ALK: variants seen among roughly 807,000 people sequenced by gnomAD.
ALK encodes the protein ALK tyrosine kinase receptor.
ALK carries 74 observed loss-of-function variants against 163.1 expected under a neutral mutation model. The ratio of observed to expected loss-of-function variants is 0.45; its 90% CI spans 0.38 to 0.55. The LOEUF is 0.55. Among genes scored for constraint, ALK ranks in the 20% least tolerant of loss-of-function variants. The pLI is 0.00. For synonymous variants in ALK, 960 were observed against 843.2 expected, an observed-to-expected ratio of 1.14 and a Z score of -2.40; for missense variants, 2,063 against 2,105.3, an observed-to-expected ratio of 0.98 and a Z score of 0.39.
At chr2:29,346,097 T>G (rs995592749) in intron 5 of ALK, among the ~76,000 whole-genome samples, 1 of 152,212 alleles carries the variant, frequency 6.6e-6, no homozygotes, top group Admixed American at 6.5e-5. Context: ...GAAGCATGAG[T>G]GAGTCAGTCC....
At chr2:29,638,529 G>A (rs1676611149) in intron 3 of ALK, among the ~76,000 whole-genome samples, 1 of 151,336 alleles carries the variant, frequency 6.6e-6, no homozygotes, top group Admixed American at 6.6e-5. Context: ...TGGGGGTGGG[G>A]GGAGATGGAT....
chr2:29,352,529 C>T (rs1668144677), intron 5 of ALK, among the ~76,000 whole-genome samples: 1 of 152,196 alleles, frequency 6.6e-6, no homozygotes, highest in South Asian at 2.1e-4. Context: ...ATACAGAGGA[C>T]AGAATCTCAG....
chr2:29,782,008 A>C (rs747696458), intron 1 of ALK, among the ~76,000 whole-genome samples: 3 of 152,214 alleles, frequency 2.0e-5, no homozygotes, highest in Non-Finnish European at 4.4e-5. Flanking sequence ...AGCAGGATTG[A>C]CAGTTGGAGA....
At chr2:29,512,657 G>A (rs1315646882) in intron 4 of ALK, among the ~76,000 whole-genome samples, 19 of 150,160 alleles carry the variant, frequency 1.3e-4, no homozygotes, top group Non-Finnish European at 2.7e-4. Flanking sequence ...GGGCAATTAG[G>A]CAGGTGAAGG....
intron 5 of ALK, among the ~76,000 whole-genome samples, chr2:29,370,830 C>T (rs1668621183): frequency 6.6e-6 from 1 of 152,152 alleles, no homozygotes; most frequent in Admixed American, 6.5e-5. Flanking sequence ...CCCATCATCC[C>T]CTAGACGTGA....
intron 12 of ALK, among the ~76,000 whole-genome samples, chr2:29,248,421 C>G (rs1288377943): frequency 2.0e-5 from 3 of 152,202 alleles, no homozygotes; most frequent in Non-Finnish European, 4.4e-5. Context: ...TGAGGTGGCA[C>G]CACTGCACCC....
At position 29,297,021 on chromosome 2, in the gene ALK, C is replaced by T. The variant is rs1486865549; in HGVS notation, c.1684G>A (p.Gly562Arg). The T allele has an allele frequency of 6.2e-7, 1 of 1,614,204 alleles. No homozygotes were observed. ...TCCACTAGCACCAAGGACACGTTTC[C>T]CCTCAAGACTCCACGAATGAGCCAG... Reference protein sequence around the residue: ...MSWLIRGVLRGNVSLVLVENK... With the variant: ...MSWLIRGVLRRNVSLVLVENK... Residue 562 changes from glycine to arginine, a missense_variant, in exon 9 of 29, where the codon GGA becomes AGA. Gly to Arg is a moderately radical substitution (Grantham distance 125). This residue lies in a region of ALK where 987 missense variants were observed against 939.5 expected (regional missense o/e 1.05). Transcript: ENST00000389048.
intron 5 of ALK, among the ~76,000 whole-genome samples, chr2:29,354,779 T>C (rs190115652): frequency 1.3e-5 from 2 of 150,706 alleles, no homozygotes; most frequent in East Asian, 1.9e-4. Flanking sequence ...TTTTTTTTTT[T>C]TTTTTGAGAT....
At chr2:29,732,900 GT>G (rs70962236) in intron 1 of ALK, among the ~76,000 whole-genome samples, 2,700 of 146,446 alleles carry the variant, frequency 0.018, 72 homozygotes, top group African/African-American at 0.061. Context: ...TAGTCTATAG[GT>G]TTTTTTTTTT....
At chr2:29,639,511 C>A (rs547600603) in intron 3 of ALK, among the ~76,000 whole-genome samples, 1 of 152,286 alleles carries the variant, frequency 6.6e-6, no homozygotes, top group East Asian at 1.9e-4. Context: ...CAAGACTTTG[C>A]ACTCTAAAAT....
chr2:29,835,326 C>T (rs762560585), intron 1 of ALK, among the ~76,000 whole-genome samples: 4 of 152,118 alleles, frequency 2.6e-5, no homozygotes, highest in Non-Finnish European at 4.4e-5. Context: ...AAAGGTATTT[C>T]CATCTGAGAG....
intron 24 of ALK, among the ~76,000 whole-genome samples, chr2:29,212,869 C>T (rs532001919): frequency 1.4e-4 from 22 of 152,180 alleles, no homozygotes; most frequent in African/African-American, 5.3e-4. Context: ...CCATGCCTGG[C>T]TAATTTTGTA....
At chr2:29,305,501 G>A (rs1666486304) in intron 8 of ALK, among the ~76,000 whole-genome samples, 1 of 152,148 alleles carries the variant, frequency 6.6e-6, no homozygotes, top group South Asian at 2.1e-4. Flanking sequence ...CACTGTATGT[G>A]GTTCCTAGAG....
At chr2:29,741,699 T>C (rs1253819593) in intron 1 of ALK, among the ~76,000 whole-genome samples, 2 of 152,112 alleles carry the variant, frequency 1.3e-5, no homozygotes, top group East Asian at 1.9e-4. Context: ...TTCTTAGAAG[T>C]AGAGAATCAT....
chr2:29,660,926 T>A (rs1486092818), intron 3 of ALK, among the ~76,000 whole-genome samples: 1 of 152,148 alleles, frequency 6.6e-6, no homozygotes, highest in East Asian at 1.9e-4. Flanking sequence ...CACAATGCCC[T>A]CATGGAAACC....
intron 11 of ALK, among the ~76,000 whole-genome samples, chr2:29,274,150 G>A (rs1665467538): frequency 6.6e-6 from 1 of 152,166 alleles, no homozygotes; most frequent in Non-Finnish European, 1.5e-5. Flanking sequence ...AGAAAGGAAA[G>A]GACTCCTTCA....
chr2:29,689,604 T>C (rs942646153), intron 3 of ALK, among the ~76,000 whole-genome samples: 3 of 152,172 alleles, frequency 2.0e-5, no homozygotes, highest in Non-Finnish European at 4.4e-5. Context: ...GGGATCCACA[T>C]GCCAACCCAG....
chr2:29,476,673 T>G (rs1176325315), intron 4 of ALK, among the ~76,000 whole-genome samples: 1 of 151,354 alleles, frequency 6.6e-6, no homozygotes, highest in African/African-American at 2.4e-5. Context: ...CACAGGAGGA[T>G]GCAGGGAAGT....
In ALK at chr2:29,447,477, C is replaced by T. The variant is rs576212616; in HGVS notation, c.1155-63618G>A. On this transcript the variant is annotated intron_variant, in intron 4 of 28. Coordinates refer to ENST00000389048, the MANE Select transcript of ALK (RefSeq NM_004304.5). The stretch of plus-strand genomic sequence containing the variant: ...GCTTTAGGAGGGAAAAAAAAAATCT[C>T]GTGTTTATTATAACTCAGTCCAAGA... Among the ~76,000 whole-genome samples the T allele has an allele frequency of 2.0e-3, 304 of 152,232 alleles. 2 individuals are homozygous for T. Among genetic ancestry groups the T allele is most frequent in the Non-Finnish European group, 3.8e-3 (257 of 68,022 alleles).
Sources: allele counts gnomAD v4.1 joint callset (sites outside exome capture counted in the v4.1 genomes callset), GRCh38; gene constraint gnomAD v4.1.1; regional missense constraint gnomAD v4.1.1; transcripts MANE v1.5; gene names NCBI Gene and HGNC (gene_info 2026-07-23, HGNC 2026-07-21).